EFL1: variants seen among roughly 807,000 people sequenced by gnomAD.
The protein encoded by EFL1 is elongation factor like GTPase 1, also known as elongation factor-like GTPase 1.
In EFL1, 76 loss-of-function variants were observed where a neutral mutation model predicts 126.7. The ratio of observed to expected loss-of-function variants is 0.60; its 90% CI spans 0.50 to 0.73. The LOEUF (loss-of-function observed/expected upper bound fraction) is 0.73. EFL1 is among the 30% of genes least tolerant of loss of function. The pLI, the probability that EFL1 is intolerant of heterozygous loss-of-function variation, is 0.00. For missense variants in EFL1, 1,128 were observed against 1,343.2 expected, an observed-to-expected ratio of 0.84 and a Z score of 2.50; for synonymous variants, 410 against 448.4, an observed-to-expected ratio of 0.91 and a Z score of 1.08.
intron 18 of EFL1, among the ~76,000 whole-genome samples, chr15:82,143,718 G>C (rs2073813072): frequency 6.6e-6 from 1 of 152,144 alleles, no homozygotes; most frequent in African/African-American, 2.4e-5. Context: ...ACCCACTGTG[G>C]AAAGTTGTCC....
intron 10 of EFL1, among the ~76,000 whole-genome samples, chr15:82,227,792 T>C (rs1411355180): frequency 1.3e-5 from 2 of 152,232 alleles, no homozygotes; most frequent in Non-Finnish European, 2.9e-5. Flanking sequence ...TCATGACAGA[T>C]ACTTTAACAC....
chr15:82,134,632 G>C (rs1056175429), intron 19 of EFL1, among the ~76,000 whole-genome samples: 4 of 152,204 alleles, frequency 2.6e-5, no homozygotes, highest in African/African-American at 9.7e-5. Flanking sequence ...AGCTTGTTTG[G>C]TGCTATTGTA....
intron 7 of EFL1, among the ~76,000 whole-genome samples, chr15:82,236,145 A>G (rs913631107): frequency 3.3e-5 from 5 of 152,184 alleles, no homozygotes; most frequent in African/African-American, 1.2e-4. Context: ...AAACTACAAA[A>G]TGCTCATAAA....
chr15:82,174,375 C>T (rs1192014052), intron 15 of EFL1: 1 of 151,664 alleles, frequency 6.6e-6, no homozygotes, highest in East Asian at 1.9e-4. Flanking sequence ...TCTCCCCTAC[C>T]AAGTAAGTAC....
intron 15 of EFL1, among the ~76,000 whole-genome samples, chr15:82,174,971 A>G (rs141087028): frequency 1.3e-5 from 2 of 152,358 alleles, no homozygotes; most frequent in Non-Finnish European, 2.9e-5. Context: ...TGCTGAAAGA[A>G]TATGTCATAT....
chr15:82,155,899 T>C (rs1254458198), intron 17 of EFL1, among the ~76,000 whole-genome samples: 3 of 152,222 alleles, frequency 2.0e-5, no homozygotes, highest in Non-Finnish European at 2.9e-5. Context: ...TTCAAGTCTT[T>C]GTACAGTTTT....
chr15:82,138,119 G>A (rs2073741577), intron 19 of EFL1, among the ~76,000 whole-genome samples: 2 of 151,990 alleles, frequency 1.3e-5, no homozygotes, highest in Admixed American at 6.5e-5. Flanking sequence ...TAGCCATTTC[G>A]TTCCATTCTC....
At chr15:82,193,573 G>C (rs988271868) in intron 15 of EFL1, among the ~76,000 whole-genome samples, 1 of 152,278 alleles carries the variant, frequency 6.6e-6, no homozygotes, top group Non-Finnish European at 1.5e-5. Context: ...GAGGCACTTA[G>C]CTAGAGTAAA....
chr15:82,167,098 G>A (rs2074087727), intron 15 of EFL1, among the ~76,000 whole-genome samples: 1 of 152,132 alleles, frequency 6.6e-6, no homozygotes, highest in South Asian at 2.1e-4. Context: ...GAGGGCACCA[G>A]TATTTTTTTA....
In EFL1 at chr15:82,194,819, T is replaced by G. The variant is rs549682966; in HGVS notation, c.1750+19898A>C. Among the ~76,000 whole-genome samples the G allele has an allele frequency of 7.9e-5, 12 of 152,302 alleles. No individual in the cohort carries two copies. In the East Asian group the frequency reaches 2.3e-3, roughly 29 times the overall value. Reference sequence around the variant, plus strand: ...GGGTTCAAATGCTCAGCTTCTCTACTTTTCCACAAAATCTAGTAGTCAATG... The same window carrying G: ...GGGTTCAAATGCTCAGCTTCTCTACGTTTCCACAAAATCTAGTAGTCAATG... On this transcript the variant is annotated intron_variant, in intron 15 of 19. Transcript: ENST00000268206.
chr15:82,213,698 A>G (rs1169869727), intron 15 of EFL1, among the ~76,000 whole-genome samples: 1 of 152,224 alleles, frequency 6.6e-6, no homozygotes, highest in African/African-American at 2.4e-5. Context: ...CTTATGAACA[A>G]AAGTAGGGTG....
intron 18 of EFL1, among the ~76,000 whole-genome samples, chr15:82,146,521 C>T (rs1273086753): frequency 6.9e-6 from 1 of 144,304 alleles, no homozygotes; most frequent in Admixed American, 7.1e-5. Flanking sequence ...AATTGGTTAT[C>T]AATATAAAAG....
At chr15:82,212,859 A>G (rs926759317) in intron 15 of EFL1, among the ~76,000 whole-genome samples, 2 of 152,264 alleles carry the variant, frequency 1.3e-5, no homozygotes. Flanking sequence ...AGAAGTCACT[A>G]GAGAGGCATT....
intron 15 of EFL1, among the ~76,000 whole-genome samples, chr15:82,187,200 CAA>C (rs761160936): frequency 1.2e-4 from 18 of 152,172 alleles, no homozygotes; most frequent in Admixed American, 2.0e-4. Context: ...TGTCAATGAG[CAA>C]AGAGGCCAAC....
chr15:82,175,598 C>T (rs1277282613), intron 15 of EFL1, among the ~76,000 whole-genome samples: 2 of 152,066 alleles, frequency 1.3e-5, no homozygotes, highest in African/African-American at 4.8e-5. Flanking sequence ...ACAGTATTGG[C>T]CGGGTGCAGT....
intron 15 of EFL1, among the ~76,000 whole-genome samples, chr15:82,180,179 C>T (rs2074234799): frequency 6.6e-6 from 1 of 152,048 alleles, no homozygotes; most frequent in Non-Finnish European, 1.5e-5. Context: ...TCTCTTAACT[C>T]TTCCCCGTCC....
intron 15 of EFL1, among the ~76,000 whole-genome samples, chr15:82,210,862 C>CAAAAAA (rs76409669): frequency 9.2e-6 from 1 of 109,262 alleles, no homozygotes; most frequent in Non-Finnish European, 2.0e-5. Flanking sequence ...AACTCCATTA[C>CAAAAAA]AAAAAAAAAA....
chr15:82,150,149 A>G (rs1162333113), intron 18 of EFL1, among the ~76,000 whole-genome samples: 1 of 152,192 alleles, frequency 6.6e-6, no homozygotes, highest in Non-Finnish European at 1.5e-5. Context: ...TTGATTCACA[A>G]TGCATACTGG....
intron 15 of EFL1, among the ~76,000 whole-genome samples, chr15:82,175,233 A>C (rs1438456639): frequency 6.6e-6 from 1 of 152,214 alleles, no homozygotes; most frequent in Non-Finnish European, 1.5e-5. Flanking sequence ...CTGCATCTTG[A>C]TGTGGCACAG....
Sources: gnomAD v4.1 joint callset for allele counts (sites outside exome capture counted in the v4.1 genomes callset) on GRCh38, gnomAD v4.1.1 for gene constraint, MANE v1.5 for transcripts, NCBI Gene and HGNC (gene_info 2026-07-23, HGNC 2026-07-21) for gene names.